FAM3C: variants seen among roughly 807,000 people sequenced by gnomAD.
The protein encoded by FAM3C is protein FAM3C.
A neutral mutation model predicts 32.5 loss-of-function variants in FAM3C; 15 were observed. That is an observed-to-expected ratio of 0.46 (90% CI 0.31 to 0.71). The LOEUF (loss-of-function observed/expected upper bound fraction) is 0.71. Among genes scored for constraint, FAM3C ranks in the 30% least tolerant of loss-of-function variants. FAM3C has a pLI of 0.05. For synonymous variants in FAM3C, 75 were observed against 86.1 expected (o/e 0.87, Z 0.72); for missense variants, 175 against 274.4 (o/e 0.64, Z 2.56).
At chr7:121,373,729 T>C (rs1270516614) in intron 3 of FAM3C, among the ~76,000 whole-genome samples, 1 of 152,034 alleles carries the variant, frequency 6.6e-6, no homozygotes, top group Non-Finnish European at 1.5e-5. Context: ...CAATAGAACA[T>C]TAAGTATTTA....
At chr7:121,372,825 G>T (rs1794174448) in intron 3 of FAM3C, among the ~76,000 whole-genome samples, 1 of 152,180 alleles carries the variant, frequency 6.6e-6, no homozygotes, top group Non-Finnish European at 1.5e-5. Context: ...TAAGTATGCA[G>T]TGTGATAAAT....
In FAM3C at chr7:121,384,048, C is replaced by CT. The variant is rs369020200; in HGVS notation, c.-41-1039dup. Among the ~76,000 whole-genome samples the CT allele has an allele frequency of 3.0e-3, 451 of 152,102 alleles. 4 individuals are homozygous for CT. The highest frequency in any genetic ancestry group is 0.01 in the African/African-American group (433 of 41,474). ...ACACTGAAAAGAAGTGAGACATGCA[C>CT]TTTTTTTATTCACTGGACTAGGCAG... On this transcript the variant is annotated intron_variant, in intron 1 of 9. Transcript: ENST00000359943.
At chr7:121,384,457 T>C (rs1308629271) in intron 1 of FAM3C, among the ~76,000 whole-genome samples, 4 of 152,312 alleles carry the variant, frequency 2.6e-5, no homozygotes, top group African/African-American at 9.6e-5. Flanking sequence ...TATACATGCT[T>C]TTCCTGCCAG....
intron 4 of FAM3C, among the ~76,000 whole-genome samples, chr7:121,371,648 T>G (rs950758819): frequency 6.6e-6 from 1 of 152,150 alleles, no homozygotes; most frequent in East Asian, 1.9e-4. Context: ...CAGATCTTCC[T>G]AGGAAACAAA....
At position 121,382,757 on chromosome 7, in the gene FAM3C, CA is replaced by C. The variant is rs370014532; in HGVS notation, c.13+199del. 1.2e-3 allele frequency among the ~76,000 whole-genome samples: 179 copies of C among 143,216 alleles called. 2 individuals are homozygous for C. The highest frequency in any genetic ancestry group is 8.2e-3 in the Admixed American group (118 of 14,374). 94.0% of individuals were successfully genotyped at this position (143,216 alleles called of 152,430 possible). ...GTGTAATTTCAACAAAAGACTTGAA[CA>C]AAAAAAAAAATTTATGTGATACTGA... On this transcript the variant is annotated intron_variant, in intron 2 of 9. Coordinates refer to ENST00000359943, the MANE Select transcript of FAM3C (RefSeq NM_014888.3).
intron 5 of FAM3C, among the ~76,000 whole-genome samples, chr7:121,370,047 C>T (rs371517087): frequency 9.8e-4 from 149 of 152,120 alleles, no homozygotes; most frequent in African/African-American, 3.4e-3. Context: ...AACTTTGTTC[C>T]TGTGATTTAG....
intron 3 of FAM3C, among the ~76,000 whole-genome samples, chr7:121,376,343 GACA>G (rs1794237991): frequency 6.6e-6 from 1 of 152,194 alleles, no homozygotes; most frequent in Non-Finnish European, 1.5e-5. Flanking sequence ...AGGTCTGACG[GACA>G]ACGACTACAA....
chr7:121,386,534 G>A (rs1794467032), intron 1 of FAM3C, among the ~76,000 whole-genome samples: 1 of 151,628 alleles, frequency 6.6e-6, no homozygotes, highest in Admixed American at 6.6e-5. Flanking sequence ...ATAATCTCAT[G>A]AGCCAATCCC....
chr7:121,377,793 T>C (rs767991738), intron 3 of FAM3C, among the ~76,000 whole-genome samples: 49 of 152,324 alleles, frequency 3.2e-4, no homozygotes, highest in South Asian at 6.2e-4. Flanking sequence ...TTCAGTACAG[T>C]AACATGCTAT....
In FAM3C at chr7:121,351,148, CAA is replaced by C. The variant is rs1243077792; in HGVS notation, c.587_588del (p.Phe196Ter). ...GGKGIKTKSP[F>X]EQHIKNNKDT... ...TGAGAGTCTATGACACTAACCTGTT[CAA>C]AAGGGCTTTTTGTCTTAATGCCCTT... On this transcript the variant is annotated frameshift_variant, in exon 9 of 10. Transcript: ENST00000359943. LOFTEE classifies it high-confidence loss of function. The C allele has an allele frequency of 1.2e-6, 2 of 1,613,084 alleles. No individual in the cohort carries two copies. Among genetic ancestry groups the C allele is most frequent in the South Asian group, 2.2e-5 (2 of 91,006 alleles).
intron 5 of FAM3C, among the ~76,000 whole-genome samples, chr7:121,364,820 T>C (rs1479427966): frequency 6.6e-6 from 1 of 152,130 alleles, no homozygotes; most frequent in African/African-American, 2.4e-5. Context: ...ACAATGACAC[T>C]GTAAAATGGA....
intron 8 of FAM3C, among the ~76,000 whole-genome samples, chr7:121,353,748 T>C (rs1275135031): frequency 6.6e-6 from 1 of 152,224 alleles, no homozygotes; most frequent in East Asian, 1.9e-4. Context: ...ATTTCCCATG[T>C]GTTGTCCTAA....
intron 2 of FAM3C, among the ~76,000 whole-genome samples, chr7:121,382,602 T>C (rs532017012): frequency 6.6e-6 from 1 of 150,846 alleles, no homozygotes; most frequent in South Asian, 2.1e-4. Flanking sequence ...ACTTACCAGC[T>C]GAACTTCCCA....
intron 1 of FAM3C, among the ~76,000 whole-genome samples, chr7:121,395,246 TATATGG>T: frequency 2.1e-5 from 1 of 48,092 alleles, no homozygotes; most frequent in Non-Finnish European, 4.2e-5. Context: ...TACATACATA[TATATGG>T]ATACATACAT....
intron 2 of FAM3C, among the ~76,000 whole-genome samples, chr7:121,380,733 T>TTATATATA (rs66579763): frequency 0.011 from 1,459 of 133,962 alleles, 48 homozygotes; most frequent in South Asian, 0.09. Context: ...TACAAACATT[T>TTATATATA]TATATATATA....
At position 121,381,656 on chromosome 7, in the gene FAM3C, CCACA is replaced by C. The variant is rs67277678; in HGVS notation, c.13+1297_13+1300del. Among the ~76,000 whole-genome samples the C allele has an allele frequency of 1.1e-3, 161 of 142,296 alleles. 1 individual carries two copies. The Middle Eastern group carries it at 0.025, about 22-fold the overall frequency. 93.4% of individuals were successfully genotyped at this position (142,296 alleles called of 152,430 possible). Reference sequence around the variant, plus strand: ...AAGTCCTGCTGTACTCAAAGAACATCCACACACACACACACACACACACACACAC... The same window carrying C: ...AAGTCCTGCTGTACTCAAAGAACATCCACACACACACACACACACACACAC... On this transcript the variant is annotated intron_variant, in intron 2 of 9. Transcript: ENST00000359943.
chr7:121,368,953 A>G (rs2536159), intron 5 of FAM3C, among the ~76,000 whole-genome samples: 37,464 of 140,036 alleles, frequency 0.27, 5,756 homozygotes, highest in African/African-American at 0.45. Flanking sequence ...TTGTTTGTTC[A>G]TTTTTTGTTG....
At chr7:121,353,523 T>C (rs1003672248) in intron 8 of FAM3C, among the ~76,000 whole-genome samples, 5 of 152,334 alleles carry the variant, frequency 3.3e-5, no homozygotes, top group Non-Finnish European at 5.9e-5. Flanking sequence ...ATCTGGCCAC[T>C]TGGATTTGCG....
At chr7:121,395,242 CATAT>C (rs1247598258) in intron 1 of FAM3C, among the ~76,000 whole-genome samples, 1 of 47,080 alleles carries the variant, frequency 2.1e-5, no homozygotes, top group Admixed American at 1.6e-4. Context: ...TACATACATA[CATAT>C]ATATGGATAC....
Sources: allele counts gnomAD v4.1 joint callset (sites outside exome capture counted in the v4.1 genomes callset), GRCh38; gene constraint gnomAD v4.1.1; transcripts MANE v1.5; gene names NCBI Gene and HGNC (gene_info 2026-07-23, HGNC 2026-07-21).